SIPA1L1: variants seen among roughly 807,000 people sequenced by gnomAD.
SIPA1L1 encodes signal-induced proliferation-associated 1-like protein 1.
In SIPA1L1, 26 loss-of-function variants were observed where a neutral mutation model predicts 162.7. The ratio of observed to expected loss-of-function variants is 0.16; its 90% CI spans 0.12 to 0.22. The LOEUF is 0.22. Ranked by LOEUF, SIPA1L1 falls within the 10% of genes least tolerant of loss-of-function variation. The pLI is 1.00. For missense variants in SIPA1L1, 1,874 were observed against 2,241.0 expected (o/e 0.84, Z 3.31); for synonymous variants, 829 against 837.4 (o/e 0.99, Z 0.17).
intron 4 of SIPA1L1, among the ~76,000 whole-genome samples, chr14:71,543,777 G>A (rs1161754106): frequency 6.9e-6 from 1 of 144,998 alleles, no homozygotes; most frequent in Non-Finnish European, 1.5e-5. Context: ...TTTAATTGCT[G>A]ATTTGTAAGA....
In SIPA1L1 at chr14:71,383,716, CTT is replaced by C. The variant is rs150488479; in HGVS notation, c.-465+62538_-465+62539del. On this transcript the variant is annotated intron_variant, in intron 2 of 23. Transcript: ENST00000381232. ...AGACAGAGGAGGGAGGTGCCACACA[CTT>C]TTAAACAGCCAGATCTCAGGTGAAC... is the stretch of plus-strand genomic sequence containing the variant. 5.1e-3 allele frequency among the ~76,000 whole-genome samples: 771 copies of C among 152,130 alleles called. 5 individuals are homozygous for C. Among genetic ancestry groups the C allele is most frequent in the African/African-American group, 0.017 (724 of 41,510 alleles).
At position 71,642,523 on chromosome 14, in the gene SIPA1L1, G is replaced by A. The variant is rs867294536; in HGVS notation, c.1819-7812G>A. Among the ~76,000 whole-genome samples, 4 of 152,272 alleles carry A rather than the reference G, an allele frequency of 2.6e-5. 1 individual carries two copies. The highest frequency in any genetic ancestry group is 2.4e-5 in the African/African-American group (1 of 41,536). On this transcript the variant is annotated intron_variant, in intron 7 of 23. Coordinates refer to ENST00000381232, the MANE Select transcript of SIPA1L1 (RefSeq NM_001386936.1). ...TATCCTTAGACTAAACACTGCTGTCGTACAACCAAGAGTTTAAAAGCAAGA... is the reference window on the plus strand; with the variant it reads ...TATCCTTAGACTAAACACTGCTGTCATACAACCAAGAGTTTAAAAGCAAGA...
rs536075486 is a variant in SIPA1L1 at position 71,735,043 on chromosome 14, G to C, written c.5009-234G>C. On this transcript the variant is annotated intron_variant, in intron 21 of 23. Coordinates refer to ENST00000381232, the MANE Select transcript of SIPA1L1 (RefSeq NM_001386936.1). ...TGCTACAGTGATGAGCAGGGAAGAG[G>C]GGGGACTAGAAATTGACTCACAAAT... is the stretch of plus-strand genomic sequence containing the variant. 1.9e-3 allele frequency among the ~76,000 whole-genome samples: 295 copies of C among 152,224 alleles called. 5 individuals carry two copies. Among genetic ancestry groups the C allele is most frequent in the Non-Finnish European group, 1.9e-3 (129 of 68,010 alleles).
intron 4 of SIPA1L1, among the ~76,000 whole-genome samples, chr14:71,563,685 C>T (rs1412969311): frequency 6.6e-6 from 1 of 152,204 alleles, no homozygotes; most frequent in African/African-American, 2.4e-5. Context: ...TCATTCCTTT[C>T]TGCTATAGCA....
intron 10 of SIPA1L1, among the ~76,000 whole-genome samples, chr14:71,665,491 G>C (rs1027926934): frequency 6.6e-6 from 1 of 152,018 alleles, no homozygotes; most frequent in Non-Finnish European, 1.5e-5. Context: ...TATTTGTATC[G>C]TTGCAGTGAC....
At chr14:71,609,949 A>G (rs1231644525) in intron 5 of SIPA1L1, among the ~76,000 whole-genome samples, 1 of 152,090 alleles carries the variant, frequency 6.6e-6, no homozygotes, top group Non-Finnish European at 1.5e-5. Context: ...AACCAAGCAT[A>G]TATTGAAGCA....
intron 8 of SIPA1L1, among the ~76,000 whole-genome samples, chr14:71,650,911 T>C (rs748860623): frequency 1.3e-5 from 2 of 152,238 alleles, no homozygotes; most frequent in East Asian, 3.8e-4. Flanking sequence ...TTCATGTTTA[T>C]CTATGTAGTC....
intron 18 of SIPA1L1, 21 bp downstream of exon 18, chr14:71,723,907 C>T: frequency 6.2e-7 from 1 of 1,613,326 alleles, no homozygotes; most frequent in Non-Finnish European, 8.5e-7. Context: ...CTTTCCTTCC[C>T]TTGCTGGTGG....
chr14:71,505,731 C>T (rs1412646869), intron 2 of SIPA1L1, among the ~76,000 whole-genome samples: 1 of 151,950 alleles, frequency 6.6e-6, no homozygotes, highest in Non-Finnish European at 1.5e-5. Flanking sequence ...TTTTTGAGCA[C>T]CAACATGATG....
In SIPA1L1 at chr14:71,672,434, C is replaced by G. The variant is rs779278356; in HGVS notation, c.2916C>G (p.Gly972=). 1 of 1,614,186 alleles carries G rather than the reference C, an allele frequency of 6.2e-7. No homozygotes were observed. Among genetic ancestry groups the G allele is most frequent in the Non-Finnish European group, 8.5e-7 (1 of 1,180,030 alleles). Residue 972 remains glycine (G), a synonymous_variant, in exon 12 of 24, where the codon GGC becomes GGG. Transcript: ENST00000381232. ...GQLGFHVNYE[G]IVADVEPYGY... is the part of the protein sequence containing the mutation. ...TTGGCTTCCATGTCAACTATGAGGG[C>G]ATTGTGGCGGATGTGGAGCCCTACG...
rs565815470 is a variant in SIPA1L1, at chr14:71,720,132, G to A, written c.4209-3515G>A. On this transcript the variant is annotated intron_variant, in intron 17 of 23. Coordinates refer to ENST00000381232, the MANE Select transcript of SIPA1L1 (RefSeq NM_001386936.1). ...TATATGCCTTGAAGTAGTCTTATTT[G>A]GGTGGGATCTTTTTGGAGTTCTGTG... is the stretch of plus-strand genomic sequence containing the variant. 2.3e-4 allele frequency among the ~76,000 whole-genome samples: 35 copies of A among 152,166 alleles called. No homozygotes were observed. The South Asian group carries it at 6.0e-3, about 26-fold the overall frequency.
At chr14:71,505,158 C>T (rs2050555772) in intron 2 of SIPA1L1, among the ~76,000 whole-genome samples, 1 of 151,984 alleles carries the variant, frequency 6.6e-6, no homozygotes, top group African/African-American at 2.4e-5. Context: ...AAACTATCAC[C>T]GTTCTTTCAT....
At chr14:71,460,714 G>C (rs1209545504) in intron 2 of SIPA1L1, among the ~76,000 whole-genome samples, 1 of 152,156 alleles carries the variant, frequency 6.6e-6, no homozygotes, top group Admixed American at 6.5e-5. Flanking sequence ...TGGATCACTA[G>C]GGGTGATGGT....
intron 2 of SIPA1L1, among the ~76,000 whole-genome samples, chr14:71,437,355 A>G (rs1351245476): frequency 2.0e-5 from 3 of 151,974 alleles, no homozygotes; most frequent in African/African-American, 7.3e-5. Flanking sequence ...CTTAGAAACT[A>G]CATATATATT....
chr14:71,410,098 C>T (rs2140274728), intron 2 of SIPA1L1, among the ~76,000 whole-genome samples: 1 of 152,254 alleles, frequency 6.6e-6, no homozygotes, highest in East Asian at 1.9e-4. Flanking sequence ...CAAACTGCTT[C>T]TTTGAATGGA....
In SIPA1L1 at chr14:71,443,161, C is replaced by T. The variant is rs756692474; in HGVS notation, c.-464-69582C>T. ...CCTGTGTTCAAAATGTCCTGAGATT[C>T]GGTTTTTATTCTGTAAGAAATCTCA... is the stretch of plus-strand genomic sequence containing the variant. On this transcript the variant is annotated intron_variant, in intron 2 of 23. Transcript: ENST00000381232. Among the ~76,000 whole-genome samples, 126 of 151,940 alleles carry T rather than the reference C, an allele frequency of 8.3e-4. 1 individual carries two copies. Among genetic ancestry groups the T allele is most frequent in the Admixed American group, 1.1e-3 (17 of 15,224 alleles).
chr14:71,655,094 T>C (rs534872246), intron 8 of SIPA1L1, among the ~76,000 whole-genome samples: 24 of 152,078 alleles, frequency 1.6e-4, no homozygotes, highest in African/African-American at 5.5e-4. Flanking sequence ...TGAGGTGGAG[T>C]AGGGTTCTCC....
At chr14:71,500,853 A>T (rs1020197409) in intron 2 of SIPA1L1, among the ~76,000 whole-genome samples, 5 of 152,056 alleles carry the variant, frequency 3.3e-5, no homozygotes, top group Non-Finnish European at 5.9e-5. Flanking sequence ...CTAAAAATAC[A>T]AAATTAGCTG....
intron 2 of SIPA1L1, among the ~76,000 whole-genome samples, chr14:71,444,249 G>A (rs1459000019): frequency 6.6e-6 from 1 of 152,156 alleles, no homozygotes; most frequent in South Asian, 2.1e-4. Context: ...GGTGCTCAGA[G>A]CGTTTACAAA....
Sources: gnomAD v4.1 joint callset for allele counts (sites outside exome capture counted in the v4.1 genomes callset) on GRCh38, gnomAD v4.1.1 for gene constraint, MANE v1.5 for transcripts, NCBI Gene and HGNC (gene_info 2026-07-23, HGNC 2026-07-21) for gene names.